Variants in CTSC observed in about 807,000 individuals in gnomAD.
CTSC encodes cathepsin C.
In CTSC, 37 loss-of-function variants were observed where a neutral mutation model predicts 40.9. The ratio of observed to expected loss-of-function variants is 0.91; its 90% confidence interval spans 0.70 to 1.19. CTSC has a LOEUF of 1.19. CTSC is among the 50% of genes most tolerant of loss of function. The pLI, the probability that CTSC is intolerant of heterozygous loss-of-function variation, is 0.00. For synonymous variants in CTSC, 232 were observed against 207.4 expected, an observed-to-expected ratio of 1.12 and a Z score of -1.02; for missense variants, 594 against 567.3, an observed-to-expected ratio of 1.05 and a Z score of -0.48.
intron 2 of CTSC, chr11:88,324,583 C>T: frequency 1.0e-6 from 1 of 983,844 alleles, no homozygotes; most frequent in Non-Finnish European, 1.2e-6. Flanking sequence ...TTTCCAGGTA[C>T]CTACAAAGTT....
chr11:88,323,508 T>G (rs1938087222), intron 2 of CTSC: 1 of 152,152 alleles, frequency 6.6e-6, no homozygotes, highest in Admixed American at 6.5e-5. Context: ...CATGATCCTA[T>G]ATCTAGAAAA....
In CTSC at chr11:88,326,418, C is replaced by G. The variant is rs983261133; in HGVS notation, c.318+8519G>C. ...TTCATGGCTGTGGTTTTAAAAGAGT[C>G]CCTCAACAGATGCTCTATTTAATAA... On this transcript the variant is annotated intron_variant, in intron 2 of 6. Transcript: ENST00000227266. The G allele has an allele frequency of 8.7e-6, 14 of 1,613,368 alleles. No homozygotes were observed. The Admixed American group carries it at 1.7e-4, about 19-fold the overall frequency.
At chr11:88,329,531 G>C (rs1938290311) in intron 2 of CTSC, among the ~76,000 whole-genome samples, 1 of 149,654 alleles carries the variant, frequency 6.7e-6, no homozygotes, top group African/African-American at 2.5e-5. Flanking sequence ...TGTTTTACAG[G>C]ACTTCCTGTC....
chr11:88,307,657 G>A (rs1034129425), intron 4 of CTSC, among the ~76,000 whole-genome samples: 7 of 147,290 alleles, frequency 4.8e-5, no homozygotes, highest in Non-Finnish European at 1.0e-4. Context: ...TAGGCAAGTT[G>A]AGGGCTATTT....
At chr11:88,315,287 T>G (rs1254948056) in intron 2 of CTSC, among the ~76,000 whole-genome samples, 1 of 152,118 alleles carries the variant, frequency 6.6e-6, no homozygotes, top group African/African-American at 2.4e-5. Flanking sequence ...TTATAGATAT[T>G]GACACACATA....
At chr11:88,300,505 A>C (rs781580045) in intron 5 of CTSC, 25 bp downstream of exon 5, 2 of 1,434,922 alleles carry the variant, frequency 1.4e-6, no homozygotes. Context: ...ACAAATTAAC[A>C]AAAAACTTAG....
At chr11:88,331,616 C>A (rs1938358087) in intron 2 of CTSC, among the ~76,000 whole-genome samples, 1 of 152,096 alleles carries the variant, frequency 6.6e-6, no homozygotes, top group South Asian at 2.1e-4. Context: ...CAAATCTGTT[C>A]TTCTTGGGCT....
chr11:88,330,798 A>G (rs570171084), intron 2 of CTSC, among the ~76,000 whole-genome samples: 2 of 152,274 alleles, frequency 1.3e-5, no homozygotes, highest in East Asian at 3.9e-4. Flanking sequence ...TATACCCCCA[A>G]TTTCTCAAGC....
rs1938179264 is a variant in CTSC, at chr11:88,326,183, T to C, written c.318+8754A>G. On this transcript the variant is annotated intron_variant, in intron 2 of 6. Coordinates refer to ENST00000227266, the MANE Select transcript of CTSC (RefSeq NM_001814.6). ...TTTTTCCTTTCTCCTGTGTAGTCTC[T>C]GGTTGTTCACATTCCAAAATGATGT... 2.2e-6 allele frequency: 3 copies of C among 1,365,680 alleles called. No individual in the cohort carries two copies. In the South Asian group the frequency reaches 6.2e-5, roughly 28 times the overall value. 84.6% of individuals were successfully genotyped at this position (1,365,680 alleles called of 1,614,324 possible).
intron 2 of CTSC, among the ~76,000 whole-genome samples, chr11:88,330,550 T>C (rs953050043): frequency 6.6e-6 from 1 of 152,064 alleles, no homozygotes; most frequent in Non-Finnish European, 1.5e-5. Context: ...GGTTTCTTCA[T>C]GTTGGCCAGA....
In CTSC at chr11:88,337,609, C is replaced by A. The variant is rs201302634; in HGVS notation, c.64G>T (p.Val22Leu). ...CAGTTGGCAGGTGTGTCGCAGCGCA[C>A]GGCGCCGTCGCCGGAGAGAAGCAGC... Reference protein sequence around the residue: ...LLLLLSGDGAVRCDTPANCTY... With the variant: ...LLLLLSGDGALRCDTPANCTY... Residue 22 changes from valine to leucine, a missense_variant, in exon 1 of 7, where the codon GTG becomes TTG. Physicochemically the swap from Val to Leu is conservative, Grantham distance 32. Coordinates refer to ENST00000227266, the MANE Select transcript of CTSC (RefSeq NM_001814.6). The A allele has an allele frequency of 1.2e-5, 19 of 1,580,674 alleles. No homozygotes were observed. The highest frequency in any genetic ancestry group is 9.0e-5 in the Admixed American group (5 of 55,384).
At chr11:88,296,297 G>C (rs1316160981) in intron 5 of CTSC, 33 bp from the exon 6 acceptor site, 2 of 1,611,892 alleles carry the variant, frequency 1.2e-6, no homozygotes, top group African/African-American at 2.7e-5. Context: ...TAATCCAAGA[G>C]ACATCTGAAG....
chr11:88,310,591 A>G (rs887447342), intron 3 of CTSC, among the ~76,000 whole-genome samples: 2 of 152,188 alleles, frequency 1.3e-5, no homozygotes, highest in Non-Finnish European at 2.9e-5. Context: ...CTAAAAACCT[A>G]AGAGCACTGA....
chr11:88,327,896 AAACAG>A (rs1426015486), intron 2 of CTSC: 3 of 566,738 alleles, frequency 5.3e-6, no homozygotes, highest in Non-Finnish European at 9.4e-6. Context: ...TGACATGTGA[AAACAG>A]AACATAATAA....
chr11:88,325,060 C>T (rs1938143546), intron 2 of CTSC: 2 of 984,200 alleles, frequency 2.0e-6, no homozygotes, highest in Non-Finnish European at 2.4e-6. Flanking sequence ...TTAAACATAA[C>T]CCCATAATTT....
rs147162517 is a variant in CTSC at position 88,332,135 on chromosome 11, C to T, written c.318+2802G>A. ...CAATTGATTTGTAGGATAACAACAA[C>T]GATGGCAGGTAAGCATGGCAAGAAT... is the stretch of plus-strand genomic sequence containing the variant. On this transcript the variant is annotated intron_variant, in intron 2 of 6. Coordinates refer to ENST00000227266, the MANE Select transcript of CTSC (RefSeq NM_001814.6). 6.6e-3 allele frequency among the ~76,000 whole-genome samples: 1,010 copies of T among 152,268 alleles called. 10 individuals are homozygous for T. The highest frequency in any genetic ancestry group is 0.023 in the African/African-American group (959 of 41,538).
intron 2 of CTSC, among the ~76,000 whole-genome samples, chr11:88,313,754 A>G (rs1367406968): frequency 1.3e-5 from 2 of 152,194 alleles, no homozygotes. Flanking sequence ...CTTGGGCAAG[A>G]TTTTACGAGG....
Position 88,300,574 on chromosome 11 carries a change from C to T in CTSC, c.713G>A (p.Arg238Lys). Residue 238 changes from arginine to lysine, a missense_variant, in exon 5 of 7, where the codon AGA (arginine) becomes AAA (lysine). Physicochemically the swap from Arg to Lys is conservative, Grantham distance 26. Coordinates refer to ENST00000227266, the MANE Select transcript of CTSC (RefSeq NM_001814.6). The stretch of plus-strand genomic sequence containing the variant: ...GACAAAATTGATACCATGAACATTT[C>T]TCCAGTCCCAAGATGTTGGCAAATG... ...ILHLPTSWDW[R>K]NVHGINFVSP... 6.2e-7 allele frequency: 1 copy of T among 1,613,788 alleles called. No individual in the cohort carries two copies. Among genetic ancestry groups the T allele is most frequent in the South Asian group, 1.1e-5 (1 of 91,068 alleles).
At chr11:88,303,626 C>T (rs893173144) in intron 4 of CTSC, among the ~76,000 whole-genome samples, 8 of 152,204 alleles carry the variant, frequency 5.3e-5, no homozygotes, top group Non-Finnish European at 8.8e-5. Flanking sequence ...TCCACTTGTT[C>T]AGCTATCTGG....
Sources: gnomAD v4.1 joint callset for allele counts (sites outside exome capture counted in the v4.1 genomes callset) on GRCh38, gnomAD v4.1.1 for gene constraint, MANE v1.5 for transcripts, NCBI Gene and HGNC (gene_info 2026-07-23, HGNC 2026-07-21) for gene names.